The following SLX4IP variants were observed in gnomAD, a reference collection of about 807,000 sequenced individuals.
The protein encoded by SLX4IP is protein SLX4IP.
In SLX4IP, 34 loss-of-function variants were observed where a neutral mutation model predicts 32.9. The observed-to-expected ratio is 1.03, with a 90% CI of 0.79 to 1.38. The LOEUF is 1.38. SLX4IP is among the 40% of genes most tolerant of loss of function. SLX4IP has a pLI of 0.00. For missense variants in SLX4IP, 444 were observed against 479.0 expected (o/e 0.93, Z 0.68); for synonymous variants, 172 against 171.7 (o/e 1.00, Z -0.01).
intron 4 of SLX4IP, among the ~76,000 whole-genome samples, chr20:10,583,543 G>A (rs377565482): frequency 4.9e-4 from 74 of 152,226 alleles, no homozygotes; most frequent in African/African-American, 1.7e-3. Flanking sequence ...GGCTGCATCC[G>A]GATGGTGGCA....
intron 2 of SLX4IP, among the ~76,000 whole-genome samples, chr20:10,513,029 C>T (rs1478045928): frequency 6.6e-6 from 1 of 151,822 alleles, no homozygotes; most frequent in Non-Finnish European, 1.5e-5. Flanking sequence ...CAGAACTTTT[C>T]TGCATCAGGT....
chr20:10,620,267 A>T (rs2067092500), intron 6 of SLX4IP, among the ~76,000 whole-genome samples: 1 of 152,226 alleles, frequency 6.6e-6, no homozygotes, highest in Non-Finnish European at 1.5e-5. Context: ...CCTTGTATGG[A>T]TTATCTACTT....
intron 2 of SLX4IP, among the ~76,000 whole-genome samples, chr20:10,534,786 C>T (rs2122469727): frequency 6.6e-6 from 1 of 152,284 alleles, no homozygotes; most frequent in East Asian, 1.9e-4. Context: ...CTCACAGAGG[C>T]TTGTAGGTTA....
chr20:10,503,151 G>A (rs892176957), intron 2 of SLX4IP, among the ~76,000 whole-genome samples: 3 of 152,140 alleles, frequency 2.0e-5, no homozygotes, highest in East Asian at 1.9e-4. Context: ...TATATCAGCA[G>A]GGTTCACTCT....
At chr20:10,580,965 C>A (rs1171694299) in intron 4 of SLX4IP, among the ~76,000 whole-genome samples, 5 of 152,054 alleles carry the variant, frequency 3.3e-5, no homozygotes, top group South Asian at 2.1e-4. Context: ...TAATTCCAGA[C>A]AAAGGTGTAC....
At chr20:10,462,578 G>A (rs1488385571) in intron 2 of SLX4IP, among the ~76,000 whole-genome samples, 1 of 152,212 alleles carries the variant, frequency 6.6e-6, no homozygotes, top group East Asian at 1.9e-4. Context: ...CAGTCACATG[G>A]TAGAATAGAG....
intron 3 of SLX4IP, 24 bp downstream of exon 3, chr20:10,556,344 T>G (rs1309152307): frequency 1.3e-6 from 2 of 1,588,716 alleles, no homozygotes; most frequent in African/African-American, 2.7e-5. Flanking sequence ...TTCTACTATT[T>G]AATTGCAAGT....
chr20:10,467,661 G>T (rs753467850), intron 2 of SLX4IP, among the ~76,000 whole-genome samples: 3 of 152,212 alleles, frequency 2.0e-5, no homozygotes, highest in Admixed American at 6.5e-5. Flanking sequence ...CTTTGCTCAT[G>T]CTGGAAGCTG....
chr20:10,541,902 C>A (rs1194873869), intron 2 of SLX4IP, among the ~76,000 whole-genome samples: 1 of 152,164 alleles, frequency 6.6e-6, no homozygotes, highest in Non-Finnish European at 1.5e-5. Flanking sequence ...AGGGGGCAGC[C>A]AGTGTTTGCA....
chr20:10,595,044 T>C (rs1435482758), intron 4 of SLX4IP, among the ~76,000 whole-genome samples: 1 of 152,158 alleles, frequency 6.6e-6, no homozygotes, highest in South Asian at 2.1e-4. Context: ...AACAGCTTTT[T>C]ACGACATACA....
intron 4 of SLX4IP, 132 bp from the exon 5 acceptor site, chr20:10,598,543 C>A: frequency 1.2e-6 from 1 of 837,300 alleles, no homozygotes; most frequent in Non-Finnish European, 2.0e-6. Context: ...GGATTACAGG[C>A]GTGAGTCATC....
At chr20:10,609,439 T>C (rs916747180) in intron 6 of SLX4IP, among the ~76,000 whole-genome samples, 3 of 152,222 alleles carry the variant, frequency 2.0e-5, no homozygotes, top group Non-Finnish European at 4.4e-5. Context: ...TATCTGTATC[T>C]CAGGGAAATG....
Position 10,623,080 on chromosome 20 carries a change from A to C in SLX4IP, c.928A>C (p.Arg310=). ...TGCGGAAGACTTCGACCACCACGGG[A>C]GAGTTTCTCTTGGAAGTGATCGATT... ...SSAEDFDHHG[R]VSLGSDRLVP... is the part of the protein sequence containing the mutation. The change falls in exon 8 of 8, where the codon AGA becomes CGA. Residue 310 remains arginine (R), a synonymous_variant. Transcript: ENST00000334534. 3 of 1,614,168 alleles carry C rather than the reference A, an allele frequency of 1.9e-6. No homozygotes were observed. The highest frequency in any genetic ancestry group is 2.2e-5 in the South Asian group (2 of 91,082).
rs888450554 is a variant in SLX4IP at position 10,623,700 on chromosome 20, C to T, written c.*321C>T. ...GCATGAAGAAACTGATCATGAGCCC[C>T]TTCTTGGCACATCACTGTGCAGACC... On this transcript the variant is annotated 3_prime_UTR_variant, in exon 8 of 8. Coordinates refer to ENST00000334534, the MANE Select transcript of SLX4IP (RefSeq NM_001009608.3). 1 of 338,880 alleles carries T rather than the reference C, an allele frequency of 3.0e-6. No homozygotes were observed. Among genetic ancestry groups the T allele is most frequent in the Non-Finnish European group, 5.4e-6 (1 of 184,370 alleles). 21.0% of individuals were successfully genotyped at this position (338,880 alleles called of 1,614,324 possible).
At chr20:10,443,304 C>G (rs1238818923) in intron 1 of SLX4IP, among the ~76,000 whole-genome samples, 1 of 152,158 alleles carries the variant, frequency 6.6e-6, no homozygotes, top group Non-Finnish European at 1.5e-5. Context: ...TAATGCATAA[C>G]AGTGCCACAC....
intron 4 of SLX4IP, among the ~76,000 whole-genome samples, chr20:10,578,600 G>A (rs566827224): frequency 3.6e-4 from 55 of 152,222 alleles, no homozygotes; most frequent in African/African-American, 1.2e-3. Flanking sequence ...ATATACCTAC[G>A]AATGGAATTT....
chr20:10,586,023 T>C (rs2066641732), intron 4 of SLX4IP, among the ~76,000 whole-genome samples: 1 of 152,168 alleles, frequency 6.6e-6, no homozygotes, highest in African/African-American at 2.4e-5. Flanking sequence ...ACCACTCATG[T>C]AGTCAACAAA....
chr20:10,454,976 G>A (rs950446874), intron 1 of SLX4IP, among the ~76,000 whole-genome samples: 1 of 152,120 alleles, frequency 6.6e-6, no homozygotes, highest in African/African-American at 2.4e-5. Flanking sequence ...TTGTGGTTTT[G>A]ATTTGCATTT....
chr20:10,601,494 G>T (rs2066841147), intron 5 of SLX4IP, among the ~76,000 whole-genome samples: 1 of 152,190 alleles, frequency 6.6e-6, no homozygotes, highest in African/African-American at 2.4e-5. Flanking sequence ...TTCCTGTAAT[G>T]TAATGGTCCC....
Sources: allele counts gnomAD v4.1 joint callset (sites outside exome capture counted in the v4.1 genomes callset), GRCh38; gene constraint gnomAD v4.1.1; transcripts MANE v1.5; gene names NCBI Gene and HGNC (gene_info 2026-07-23, HGNC 2026-07-21).